PTCHD4: variants seen among roughly 807,000 people sequenced by gnomAD.
PTCHD4 encodes patched domain-containing protein 4.
Under a neutral mutation model 58.1 loss-of-function variants are expected in PTCHD4, and 33 were observed. The ratio of observed to expected loss-of-function variants is 0.57; its 90% CI spans 0.43 to 0.76. PTCHD4 has a LOEUF of 0.76. Ranked by LOEUF, PTCHD4 falls within the 30% of genes least tolerant of loss-of-function variation. The probability of loss-of-function intolerance (pLI) is 0.00; values close to 1 mark genes in which losing one functional copy is unlikely to be tolerated. For synonymous variants in PTCHD4, 478 were observed against 409.6 expected, an observed-to-expected ratio of 1.17 and a Z score of -2.02; for missense variants, 1,058 against 1,027.1, an observed-to-expected ratio of 1.03 and a Z score of -0.41.
Position 47,878,614 on chromosome 6 carries a change from G to T in PTCHD4, c.2221C>A (p.Arg741=). ...AAGGAGCTTTTTATACATTGTGTTC[G>T]GGTGTGCTCAGTTGCTAATACAAAT... ...FTFVLATEHT[R]TQCIKSSLQD... Residue 741 remains arginine, a synonymous_variant, in exon 5 of 5, where the codon CGA becomes AGA. Coordinates refer to ENST00000339488, the MANE Select transcript of PTCHD4 (RefSeq NM_001384253.1). 1 of 1,613,508 alleles carries T rather than the reference G, an allele frequency of 6.2e-7. No homozygotes were observed. Among genetic ancestry groups the T allele is most frequent in the Non-Finnish European group, 8.5e-7 (1 of 1,179,736 alleles).
At chr6:47,905,973 G>T (rs1764869008) in intron 4 of PTCHD4, among the ~76,000 whole-genome samples, 1 of 152,200 alleles carries the variant, frequency 6.6e-6, no homozygotes, top group Non-Finnish European at 1.5e-5. Context: ...TGTTGTCTGT[G>T]GGGCCCCTGG....
rs1763656374 is a variant in PTCHD4 at position 47,869,261 on chromosome 6, T to A, written c.*9042A>T. Among the ~76,000 whole-genome samples, 1 of 151,714 alleles carries A rather than the reference T, an allele frequency of 6.6e-6. No individual in the cohort carries two copies. On this transcript the variant is annotated 3_prime_UTR_variant, in exon 5 of 5. Transcript: ENST00000339488. The stretch of plus-strand genomic sequence containing the variant: ...GCCCCTGAACAATTATGCCCCAGCT[T>A]GAAACTGTATAGCGTGCAGCCAAAG...
At position 47,859,279 on chromosome 6, in the gene PTCHD4, A is replaced by T. The variant is rs1284605084; in HGVS notation, c.*19024T>A. On this transcript the variant is annotated 3_prime_UTR_variant, in exon 5 of 5. Coordinates refer to ENST00000339488, the MANE Select transcript of PTCHD4 (RefSeq NM_001384253.1). Reference sequence around the variant, plus strand: ...AGTATTTCTTTTTCTTTCCATTGACAAGCTAGGATACGAGCACAGTCCCTG... The same window carrying T: ...AGTATTTCTTTTTCTTTCCATTGACTAGCTAGGATACGAGCACAGTCCCTG... Among the ~76,000 whole-genome samples the T allele has an allele frequency of 6.6e-6, 1 of 151,980 alleles. No homozygotes were observed. The highest frequency in any genetic ancestry group is 1.5e-5 in the Non-Finnish European group (1 of 67,978).
At position 47,876,206 on chromosome 6, in the gene PTCHD4, T is replaced by A. The variant is rs1046379987; in HGVS notation, c.*2097A>T. Among the ~76,000 whole-genome samples the A allele has an allele frequency of 2.6e-5, 4 of 151,806 alleles. No homozygotes were observed. The highest frequency in any genetic ancestry group is 4.4e-5 in the Non-Finnish European group (3 of 67,878). On this transcript the variant is annotated 3_prime_UTR_variant, in exon 5 of 5. Coordinates refer to ENST00000339488, the MANE Select transcript of PTCHD4 (RefSeq NM_001384253.1). ...CAGTTCATTCTAGTACAGCAGTTCA[T>A]GAGGCAAAAGGCTAGGAGTATTTGT...
intron 4 of PTCHD4, among the ~76,000 whole-genome samples, chr6:47,941,224 A>G (rs896254128): frequency 2.1e-4 from 32 of 152,216 alleles, no homozygotes; most frequent in Admixed American, 2.1e-3. Context: ...CATTGAAGAA[A>G]AGCAGAAGAC....
intron 3 of PTCHD4, among the ~76,000 whole-genome samples, chr6:48,040,020 T>C (rs1763788833): frequency 6.6e-6 from 1 of 152,072 alleles, no homozygotes; most frequent in South Asian, 2.1e-4. Context: ...TCTAACAGGC[T>C]CAAGGTTATG....
chr6:47,939,016 T>C (rs928879317), intron 4 of PTCHD4, among the ~76,000 whole-genome samples: 6 of 151,950 alleles, frequency 3.9e-5, no homozygotes, highest in African/African-American at 1.5e-4. Context: ...AGAGAGGGAA[T>C]GCATGACACA....
intron 4 of PTCHD4, among the ~76,000 whole-genome samples, chr6:48,000,095 G>C (rs1267758727): frequency 6.6e-6 from 1 of 152,164 alleles, no homozygotes; most frequent in African/African-American, 2.4e-5. Context: ...ATGGCCTTGA[G>C]CACAAACTCT....
At position 47,860,166 on chromosome 6, in the gene PTCHD4, A is replaced by G. The variant is rs1266349311; in HGVS notation, c.*18137T>C. Among the ~76,000 whole-genome samples, 1 of 151,982 alleles carries G rather than the reference A, an allele frequency of 6.6e-6. No individual in the cohort carries two copies. Among genetic ancestry groups the G allele is most frequent in the Non-Finnish European group, 1.5e-5 (1 of 67,958 alleles). On this transcript the variant is annotated 3_prime_UTR_variant, in exon 5 of 5. Transcript: ENST00000339488. ...TTAACTCTAAAGTATGAATCATGCAATCATTTCTTGTGCTTTATTGTGAGT... is the reference window on the plus strand; with the variant it reads ...TTAACTCTAAAGTATGAATCATGCAGTCATTTCTTGTGCTTTATTGTGAGT...
intron 4 of PTCHD4, among the ~76,000 whole-genome samples, chr6:48,003,720 T>C (rs1768830242): frequency 6.6e-6 from 1 of 152,212 alleles, no homozygotes; most frequent in Non-Finnish European, 1.5e-5. Flanking sequence ...ACCCGAAGGT[T>C]AATTCTCAGT....
chr6:48,034,380 G>A (rs866555210), intron 3 of PTCHD4, among the ~76,000 whole-genome samples: 1 of 152,054 alleles, frequency 6.6e-6, no homozygotes, highest in Non-Finnish European at 1.5e-5. Context: ...TGTTCAGGTC[G>A]AACCTGATAA....
At chr6:48,009,786 G>T (rs1168023981) in intron 3 of PTCHD4, among the ~76,000 whole-genome samples, 1 of 152,120 alleles carries the variant, frequency 6.6e-6, no homozygotes, top group Non-Finnish European at 1.5e-5. Context: ...TCAGACATAG[G>T]TTGACCTTTT....
At chr6:48,010,720 T>C (rs554451154) in intron 3 of PTCHD4, among the ~76,000 whole-genome samples, 1 of 152,224 alleles carries the variant, frequency 6.6e-6, no homozygotes, top group Non-Finnish European at 1.5e-5. Flanking sequence ...CTACATTAGG[T>C]ATTTCTCCTA....
chr6:48,048,911 G>C (rs892541828), intron 3 of PTCHD4, among the ~76,000 whole-genome samples: 2 of 151,986 alleles, frequency 1.3e-5, no homozygotes, highest in Non-Finnish European at 2.9e-5. Context: ...AGAGAGTAGA[G>C]TCTGGCTTCC....
At chr6:47,940,414 A>G (rs1464883444) in intron 4 of PTCHD4, among the ~76,000 whole-genome samples, 1 of 152,174 alleles carries the variant, frequency 6.6e-6, no homozygotes, top group Non-Finnish European at 1.5e-5. Flanking sequence ...TTTCCTAAAA[A>G]AATTATTTAA....
At chr6:48,028,263 T>C (rs1763318911) in intron 3 of PTCHD4, among the ~76,000 whole-genome samples, 1 of 151,904 alleles carries the variant, frequency 6.6e-6, no homozygotes, top group Non-Finnish European at 1.5e-5. Context: ...CTCTTTTGTT[T>C]TTTTTGATGA....
intron 1 of PTCHD4, among the ~76,000 whole-genome samples, chr6:48,105,649 A>G (rs1049991024): frequency 2.0e-5 from 3 of 152,200 alleles, no homozygotes; most frequent in South Asian, 4.1e-4. Context: ...CAAAAAATCA[A>G]TGAATCCAGG....
At position 47,859,337 on chromosome 6, in the gene PTCHD4, G is replaced by T. The variant is rs1054768876; in HGVS notation, c.*18966C>A. On this transcript the variant is annotated 3_prime_UTR_variant, in exon 5 of 5. Transcript: ENST00000339488. ...AAAGGAAACCATGTCTTTTGTTAAAGTTTAAGCTACTGATAAATATTTAAG... is the reference window on the plus strand; with the variant it reads ...AAAGGAAACCATGTCTTTTGTTAAATTTTAAGCTACTGATAAATATTTAAG... Among the ~76,000 whole-genome samples, 2 of 151,978 alleles carry T rather than the reference G, an allele frequency of 1.3e-5. No individual in the cohort carries two copies. The highest frequency in any genetic ancestry group is 4.8e-5 in the African/African-American group (2 of 41,406).
chr6:48,059,324 T>C (rs1029709233), intron 3 of PTCHD4, among the ~76,000 whole-genome samples: 2 of 152,084 alleles, frequency 1.3e-5, no homozygotes, highest in African/African-American at 4.8e-5. Context: ...GTAAGGGCTA[T>C]TATGAGGGAA....
Sources: gnomAD v4.1 joint callset for allele counts (sites outside exome capture counted in the v4.1 genomes callset) on GRCh38, gnomAD v4.1.1 for gene constraint, MANE v1.5 for transcripts, NCBI Gene and HGNC (gene_info 2026-07-23, HGNC 2026-07-21) for gene names.